The following NCAPH variants were observed in gnomAD, a reference collection of about 807,000 sequenced individuals.
NCAPH encodes the protein non-SMC condensin I complex subunit H.
In NCAPH, 38 loss-of-function variants were observed where a neutral mutation model predicts 85.5. That is an observed-to-expected ratio of 0.44 (90% confidence interval 0.34 to 0.58). The LOEUF (loss-of-function observed/expected upper bound fraction) is 0.58. Ranked by LOEUF, NCAPH falls within the 20% of genes least tolerant of loss-of-function variation. The probability of loss-of-function intolerance (pLI) is 0.01; values close to 1 mark genes in which losing one functional copy is unlikely to be tolerated. For synonymous variants in NCAPH, 301 were observed against 335.1 expected (o/e 0.90, Z 1.11); for missense variants, 789 against 916.6 (o/e 0.86, Z 1.80).
At chr2:96,352,656 C>A (rs190187999) in intron 7 of NCAPH, among the ~76,000 whole-genome samples, 4 of 152,220 alleles carry the variant, frequency 2.6e-5, no homozygotes, top group African/African-American at 9.6e-5. Flanking sequence ...AAGAGCTGCC[C>A]CCTCCTGCAC....
At chr2:96,348,056 C>T (rs928286848) in intron 6 of NCAPH, among the ~76,000 whole-genome samples, 4 of 152,160 alleles carry the variant, frequency 2.6e-5, no homozygotes, top group South Asian at 4.2e-4. Flanking sequence ...TGACGTAGGC[C>T]GGGTGCGGTG....
At chr2:96,339,359 A>C (rs1424940324) in intron 1 of NCAPH, among the ~76,000 whole-genome samples, 3 of 151,944 alleles carry the variant, frequency 2.0e-5, no homozygotes, top group African/African-American at 7.3e-5. Flanking sequence ...CTGGGAATCC[A>C]AGACAGGCAG....
intron 15 of NCAPH, among the ~76,000 whole-genome samples, chr2:96,367,861 T>G (rs2064721145): frequency 6.6e-6 from 1 of 152,252 alleles, no homozygotes; most frequent in Admixed American, 6.5e-5. Context: ...ATTAAACTGT[T>G]TTCCATTACT....
intron 10 of NCAPH, 178 bp downstream of exon 10, chr2:96,359,371 G>A (rs1456975824): frequency 2.9e-6 from 2 of 685,436 alleles, no homozygotes; most frequent in African/African-American, 1.8e-5. Flanking sequence ...GGGATGAAGG[G>A]ACAGTGAAAA....
Position 96,375,931 on chromosome 2 carries a change from G to A in NCAPH, c.*2580G>A, listed in dbSNP as rs564209328. Among the ~76,000 whole-genome samples, 1 of 152,236 alleles carries A rather than the reference G, an allele frequency of 6.6e-6. No individual in the cohort carries two copies. The highest frequency in any genetic ancestry group is 6.5e-5 in the Admixed American group (1 of 15,286). Reference sequence around the variant, plus strand: ...ATTTGCCACCTCAGGGTGCCACAAAGGTCCCCACCAGCAAGAAGGCTCCCA... The same window carrying A: ...ATTTGCCACCTCAGGGTGCCACAAAAGTCCCCACCAGCAAGAAGGCTCCCA... On this transcript the variant is annotated 3_prime_UTR_variant, in exon 18 of 18. Transcript: ENST00000240423.
intron 5 of NCAPH, 97 bp downstream of exon 5, chr2:96,343,401 G>C (rs1573066281): frequency 7.1e-7 from 1 of 1,406,948 alleles, no homozygotes; most frequent in Non-Finnish European, 9.4e-7. Flanking sequence ...AGAAATAAGT[G>C]ATCTCATTTT....
chr2:96,335,783 T>A lies in NCAPH; in HGVS notation c.-47T>A, dbSNP rs946967914. On this transcript the variant is annotated 5_prime_UTR_variant, in exon 1 of 18. Transcript: ENST00000240423. ...ACGCGGCCGTTACGGCGCTCAGGCGTCTCGACGCGCGCGATTTAAAACCAG... is the reference window on the plus strand; with the variant it reads ...ACGCGGCCGTTACGGCGCTCAGGCGACTCGACGCGCGCGATTTAAAACCAG... 14 of 1,467,208 alleles carry A rather than the reference T, an allele frequency of 9.5e-6. No homozygotes were observed. In the African/African-American group the frequency reaches 1.8e-4, roughly 19 times the overall value. The allele number at this position is 1,467,208 out of a possible 1,614,324, so 90.9% of individuals were successfully genotyped here. A position where few individuals can be genotyped will look rare whatever the true frequency, so the allele number is the denominator to read the frequency against.
chr2:96,341,419 G>A (rs552447600), intron 1 of NCAPH: 1 of 552,542 alleles, frequency 1.8e-6, no homozygotes, highest in Admixed American at 3.6e-5. Flanking sequence ...CTGCAGAGTG[G>A]ATATTTGTCC....
chr2:96,365,763 G>A, intron 13 of NCAPH, 113 bp from the exon 14 acceptor site: 1 of 1,045,934 alleles, frequency 9.6e-7, no homozygotes, highest in African/African-American at 1.6e-5. Context: ...GTAACTCACT[G>A]AGTGAACCAT....
rs564006196 is a variant in NCAPH at position 96,367,109 on chromosome 2, C to T, written c.1882-148C>T. 5.9e-5 allele frequency: 32 copies of T among 542,830 alleles called. 1 individual carries two copies. In the South Asian group the frequency reaches 6.2e-4, roughly 10 times the overall value. 33.6% of individuals were successfully genotyped at this position (542,830 alleles called of 1,614,324 possible). The stretch of plus-strand genomic sequence containing the variant: ...GAAACTCTGTCTCAAAACAAACAAA[C>T]AAACAAACAAAACAAGAGAGCTCTG... On this transcript the variant is annotated intron_variant, in intron 14 of 17. Coordinates refer to ENST00000240423, the MANE Select transcript of NCAPH (RefSeq NM_015341.5).
rs750290001 is a variant in NCAPH at position 96,343,229 on chromosome 2, G to A, written c.520G>A (p.Ala174Thr). The change falls in exon 5 of 18, where the codon GCC becomes ACC. Residue 174 changes from alanine to threonine, a missense_variant. Coordinates refer to ENST00000240423, the MANE Select transcript of NCAPH (RefSeq NM_015341.5). ...IYAVRVDAVH[A>T]DVYRVLGGLG... ...TGCTGTGCGCGTGGATGCCGTCCATGCCGATGTATACAGAGTCCTTGGGGG... is the reference window on the plus strand; with the variant it reads ...TGCTGTGCGCGTGGATGCCGTCCATACCGATGTATACAGAGTCCTTGGGGG... 5.5e-5 allele frequency: 88 copies of A among 1,614,072 alleles called. No individual in the cohort carries two copies. The highest frequency in any genetic ancestry group is 6.9e-5 in the Non-Finnish European group (82 of 1,180,056).
intron 9 of NCAPH, among the ~76,000 whole-genome samples, chr2:96,356,198 C>T (rs1167326508): frequency 9.9e-5 from 15 of 152,176 alleles, no homozygotes; most frequent in Admixed American, 9.8e-4. Context: ...GTACATTAGG[C>T]GTGGGAGGCT....
chr2:96,336,509 G>C (rs1281765320), intron 1 of NCAPH, among the ~76,000 whole-genome samples: 2 of 152,220 alleles, frequency 1.3e-5, no homozygotes, highest in African/African-American at 4.8e-5. Context: ...GCAGGGAAGA[G>C]CCTGGCCTGG....
intron 9 of NCAPH, among the ~76,000 whole-genome samples, chr2:96,357,852 A>T (rs1053472055): frequency 6.6e-6 from 1 of 152,190 alleles, no homozygotes; most frequent in African/African-American, 2.4e-5. Flanking sequence ...TGTAGGCTCA[A>T]TACAAATACA....
At chr2:96,365,228 C>T (rs1001041238) in intron 13 of NCAPH, among the ~76,000 whole-genome samples, 2 of 151,988 alleles carry the variant, frequency 1.3e-5, no homozygotes, top group Non-Finnish European at 2.9e-5. Context: ...AAGGGGGGAA[C>T]GAACTGGAAA....
chr2:96,344,362 C>A, intron 6 of NCAPH, 133 bp downstream of exon 6: 1 of 960,356 alleles, frequency 1.0e-6, no homozygotes, highest in Non-Finnish European at 1.4e-6. Flanking sequence ...CAACTGATAT[C>A]TCTGCATTAT....
At chr2:96,342,690 AAGC>A in intron 3 of NCAPH, 63 bp from the exon 4 acceptor site, 1 of 1,286,970 alleles carries the variant, frequency 7.8e-7, no homozygotes, top group Non-Finnish European at 1.1e-6. Context: ...CCTCTGTTAA[AAGC>A]AGCATTATTT....
chr2:96,351,660 T>TC (rs2064443382), intron 6 of NCAPH, among the ~76,000 whole-genome samples, 171 bp from the exon 7 acceptor site: 1 of 128,370 alleles, frequency 7.8e-6, no homozygotes, highest in South Asian at 2.5e-4. Flanking sequence ...AGAGCAAGAC[T>TC]CCATCTCAAA....
At chr2:96,336,445 T>C (rs2064215948) in intron 1 of NCAPH, among the ~76,000 whole-genome samples, 1 of 152,110 alleles carries the variant, frequency 6.6e-6, no homozygotes, top group Admixed American at 6.5e-5. Context: ...GGAAGATCTT[T>C]AGGCAGATAC....
Sources: gnomAD v4.1 joint callset for allele counts (sites outside exome capture counted in the v4.1 genomes callset) on GRCh38, gnomAD v4.1.1 for gene constraint, MANE v1.5 for transcripts, NCBI Gene and HGNC (gene_info 2026-07-23, HGNC 2026-07-21) for gene names.